Variants in LDB2 observed in about 807,000 individuals in gnomAD.
LDB2 encodes LIM domain binding 2.
Under a neutral mutation model 44.3 loss-of-function variants are expected in LDB2, and 12 were observed. The ratio of observed to expected loss-of-function variants is 0.27; its 90% CI spans 0.17 to 0.44. The LOEUF is 0.44. Ranked by LOEUF, LDB2 falls within the 20% of genes least tolerant of loss-of-function variation. LDB2 has a pLI of 1.00. For synonymous variants in LDB2, 164 were observed against 174.8 expected (o/e 0.94, Z 0.49); for missense variants, 344 against 473.5 (o/e 0.73, Z 2.54).
At chr4:16,692,908 C>T (rs1236385506) in intron 2 of LDB2, among the ~76,000 whole-genome samples, 2 of 152,220 alleles carry the variant, frequency 1.3e-5, no homozygotes. Flanking sequence ...TATTCCTCTG[C>T]TGTGAGTGTG....
At chr4:16,677,000 C>T (rs1471879291) in intron 2 of LDB2, among the ~76,000 whole-genome samples, 1 of 152,144 alleles carries the variant, frequency 6.6e-6, no homozygotes, top group African/African-American at 2.4e-5. Context: ...ATTCTTGGCC[C>T]CTCGCTTAAA....
intron 1 of LDB2, among the ~76,000 whole-genome samples, chr4:16,841,986 T>C (rs907266697): frequency 2.6e-5 from 4 of 152,224 alleles, no homozygotes; most frequent in Non-Finnish European, 5.9e-5. Context: ...ATGGAATTTA[T>C]ACATTCATTC....
At chr4:16,532,750 T>C (rs978657828) in intron 5 of LDB2, among the ~76,000 whole-genome samples, 2 of 152,222 alleles carry the variant, frequency 1.3e-5, no homozygotes, top group African/African-American at 4.8e-5. Flanking sequence ...ACCATTATGG[T>C]TCCCCAAACC....
At chr4:16,852,726 T>C (rs1301730964) in intron 1 of LDB2, among the ~76,000 whole-genome samples, 1 of 152,182 alleles carries the variant, frequency 6.6e-6, no homozygotes, top group Non-Finnish European at 1.5e-5. Context: ...ATTATTCTTT[T>C]GGGACTAAAA....
At position 16,615,049 on chromosome 4, in the gene LDB2, G is replaced by A. The variant is rs187765102; in HGVS notation, c.236-19174C>T. On this transcript the variant is annotated intron_variant, in intron 2 of 7. Transcript: ENST00000304523. ...CCCGCCACTGCACTCCAGCCTGGGC[G>A]ACAGAGCGAGACTCCGTCTCAAAAA... 5.3e-3 allele frequency among the ~76,000 whole-genome samples: 620 copies of A among 116,280 alleles called. 5 individuals are homozygous for A. The highest frequency in any genetic ancestry group is 7.2e-3 in the South Asian group (24 of 3,350). The allele number at this position is 116,280 out of a possible 152,430, so 76.3% of individuals were successfully genotyped here. A position where few individuals can be genotyped will look rare whatever the true frequency, so the allele number is the denominator to read the frequency against.
At chr4:16,664,996 G>A (rs536527887) in intron 2 of LDB2, among the ~76,000 whole-genome samples, 1 of 152,236 alleles carries the variant, frequency 6.6e-6, no homozygotes, top group South Asian at 2.1e-4. Flanking sequence ...TATTTGCCAG[G>A]CCCAGATAAT....
rs115538071 is a variant in LDB2, at chr4:16,827,405, G to A, written c.133-68145C>T. 1.2e-3 allele frequency among the ~76,000 whole-genome samples: 184 copies of A among 152,166 alleles called. 1 individual carries two copies. The highest frequency in any genetic ancestry group is 3.9e-3 in the African/African-American group (162 of 41,516). ...TGCTACTCTTTTTTTGCTCTTAAAC[G>A]TATTCAGAATTTTCCTACCATACTT... On this transcript the variant is annotated intron_variant, in intron 1 of 7. Transcript: ENST00000304523.
chr4:16,787,190 T>C (rs1774628756), intron 1 of LDB2, among the ~76,000 whole-genome samples: 1 of 152,204 alleles, frequency 6.6e-6, no homozygotes, highest in African/African-American at 2.4e-5. Context: ...TAAACACGTA[T>C]TGAACAGCTA....
chr4:16,618,948 C>CG (rs886942048), intron 2 of LDB2, among the ~76,000 whole-genome samples: 15 of 152,144 alleles, frequency 9.9e-5, no homozygotes, highest in Admixed American at 6.5e-5. Flanking sequence ...AGCACCTCCC[C>CG]CATCAGTCTC....
intron 2 of LDB2, among the ~76,000 whole-genome samples, chr4:16,609,571 A>G (rs1482157554): frequency 6.6e-6 from 1 of 152,158 alleles, no homozygotes; most frequent in Non-Finnish European, 1.5e-5. Context: ...AACCCAACAC[A>G]TCGGCTGTGG....
chr4:16,634,691 C>A (rs186364955), intron 2 of LDB2, among the ~76,000 whole-genome samples: 1 of 151,970 alleles, frequency 6.6e-6, no homozygotes, highest in African/African-American at 2.4e-5. Context: ...ACACTGTTGG[C>A]GGGAGTGTAA....
intron 1 of LDB2, among the ~76,000 whole-genome samples, chr4:16,859,195 G>A (rs1711619958): frequency 6.6e-6 from 1 of 152,092 alleles, no homozygotes; most frequent in Non-Finnish European, 1.5e-5. Flanking sequence ...TCTGATCCCT[G>A]GGAGTCCTAC....
At chr4:16,764,311 A>T (rs1365190183) in intron 1 of LDB2, among the ~76,000 whole-genome samples, 1 of 152,094 alleles carries the variant, frequency 6.6e-6, no homozygotes, top group African/African-American at 2.4e-5. Context: ...TCTTGCTTCC[A>T]TTCTGTTGTC....
intron 1 of LDB2, among the ~76,000 whole-genome samples, chr4:16,883,842 G>C (rs1720884317): frequency 6.6e-6 from 1 of 152,100 alleles, no homozygotes; most frequent in Admixed American, 6.5e-5. Flanking sequence ...AGACCTCAAG[G>C]ATGGGCAAAT....
intron 1 of LDB2, among the ~76,000 whole-genome samples, chr4:16,869,406 T>A (rs1023827961): frequency 3.3e-5 from 5 of 151,762 alleles, no homozygotes; most frequent in African/African-American, 4.8e-5. Context: ...TCTTCAGAAA[T>A]GAGGGTTGTT....
intron 7 of LDB2, among the ~76,000 whole-genome samples, chr4:16,504,054 C>G (rs1718391001): frequency 6.6e-6 from 1 of 152,166 alleles, no homozygotes; most frequent in Non-Finnish European, 1.5e-5. Context: ...AAGTGACCAA[C>G]TGTGATCAGC....
intron 2 of LDB2, among the ~76,000 whole-genome samples, chr4:16,606,171 G>A (rs950186420): frequency 6.6e-6 from 1 of 151,994 alleles, no homozygotes; most frequent in Non-Finnish European, 1.5e-5. Flanking sequence ...TATCTATATG[G>A]TAGGATTTTT....
chr4:16,698,740 C>A (rs1172690837), intron 2 of LDB2, among the ~76,000 whole-genome samples: 2 of 152,028 alleles, frequency 1.3e-5, no homozygotes, highest in African/African-American at 4.8e-5. Flanking sequence ...ATTTTATTTG[C>A]CATACAGAGA....
At chr4:16,690,211 T>C (rs1750293260) in intron 2 of LDB2, among the ~76,000 whole-genome samples, 1 of 151,976 alleles carries the variant, frequency 6.6e-6, no homozygotes, top group African/African-American at 2.4e-5. Context: ...GATTTTCCAA[T>C]GAAGAACCAT....
Sources: gnomAD v4.1 joint callset for allele counts (sites outside exome capture counted in the v4.1 genomes callset) on GRCh38, gnomAD v4.1.1 for gene constraint, MANE v1.5 for transcripts, NCBI Gene and HGNC (gene_info 2026-07-23, HGNC 2026-07-21) for gene names.